The following ADGRL3 variants were observed in gnomAD, a reference collection of about 807,000 sequenced individuals.
ADGRL3 encodes the protein adhesion G protein-coupled receptor L3, also known as calcium-independent alpha-latrotoxin receptor 3.
A neutral mutation model predicts 153.5 loss-of-function variants in ADGRL3; 62 were observed. The ratio of observed to expected loss-of-function variants is 0.40; its 90% CI spans 0.33 to 0.50. The LOEUF (loss-of-function observed/expected upper bound fraction) is 0.50. ADGRL3 is among the 20% of genes least tolerant of loss of function. The pLI, the probability that ADGRL3 is intolerant of heterozygous loss-of-function variation, is 0.47. For missense variants in ADGRL3, 1,641 were observed against 1,859.4 expected (o/e 0.88, Z 2.16); for synonymous variants, 710 against 672.5 (o/e 1.06, Z -0.86).
intron 2 of ADGRL3, among the ~76,000 whole-genome samples, chr4:61,405,335 C>T (rs187909939): frequency 7.9e-5 from 12 of 152,050 alleles, no homozygotes; most frequent in African/African-American, 2.6e-4. Context: ...TGTTACTATA[C>T]GTAAAGGACA....
intron 1 of ADGRL3, among the ~76,000 whole-genome samples, chr4:61,301,880 A>G (rs1301861899): frequency 6.6e-6 from 1 of 152,220 alleles, no homozygotes; most frequent in Non-Finnish European, 1.5e-5. Context: ...TGCTATTACC[A>G]GAGCTTAAAA....
At chr4:61,787,607 G>A (rs1839613) in intron 8 of ADGRL3, among the ~76,000 whole-genome samples, 150,864 of 152,252 alleles carry the variant, frequency 0.99, 74,761 homozygotes, top group Non-Finnish European at 1. Flanking sequence ...ATGTTTTTCC[G>A]CTAGTTTATC....
At chr4:61,675,846 A>G (rs1252785454) in intron 5 of ADGRL3, among the ~76,000 whole-genome samples, 2 of 151,766 alleles carry the variant, frequency 1.3e-5, no homozygotes, top group Non-Finnish European at 2.9e-5. Context: ...TGTACAATTA[A>G]ATTACGTTTG....
At chr4:61,419,734 ATTG>A (rs1235556355) in intron 2 of ADGRL3, among the ~76,000 whole-genome samples, 2 of 152,140 alleles carry the variant, frequency 1.3e-5, no homozygotes, top group East Asian at 1.9e-4. Context: ...AAAAATTTTG[ATTG>A]TTATTTTCAC....
At chr4:61,860,475 A>G (rs1222790354) in intron 9 of ADGRL3, among the ~76,000 whole-genome samples, 1 of 152,052 alleles carries the variant, frequency 6.6e-6, no homozygotes, top group Non-Finnish European at 1.5e-5. Flanking sequence ...GAGATCGGGT[A>G]ATAGCCACTG....
intron 1 of ADGRL3, among the ~76,000 whole-genome samples, chr4:61,272,996 C>A (rs903887166): frequency 2.6e-5 from 4 of 152,050 alleles, no homozygotes; most frequent in African/African-American, 9.7e-5. Context: ...GGGTAAGTTA[C>A]CTACACTCTC....
intron 9 of ADGRL3, among the ~76,000 whole-genome samples, chr4:61,875,110 A>C (rs2098467871): frequency 6.6e-6 from 1 of 152,100 alleles, no homozygotes; most frequent in South Asian, 2.1e-4. Context: ...GCCCGGCCCA[A>C]AATGCTCTTT....
chr4:61,679,622 A>T (rs756694217), intron 6 of ADGRL3, among the ~76,000 whole-genome samples: 4 of 152,114 alleles, frequency 2.6e-5, no homozygotes, highest in Non-Finnish European at 4.4e-5. Flanking sequence ...TAGTGTTTAC[A>T]TGCATAGGCT....
intron 24 of ADGRL3, 51 bp downstream of exon 24, chr4:62,037,907 A>G: frequency 6.2e-7 from 1 of 1,604,384 alleles, no homozygotes; most frequent in Non-Finnish European, 8.5e-7. Flanking sequence ...TATACCAGTT[A>G]CTGTCCCTTA....
At chr4:61,224,223 A>G (rs1351690003) in intron 1 of ADGRL3, among the ~76,000 whole-genome samples, 2 of 152,148 alleles carry the variant, frequency 1.3e-5, no homozygotes, top group Non-Finnish European at 2.9e-5. Flanking sequence ...AAATATGTTT[A>G]TTTATCCATA....
chr4:61,642,694 TGTA>T (rs1458163721), intron 5 of ADGRL3, among the ~76,000 whole-genome samples: 2 of 152,192 alleles, frequency 1.3e-5, no homozygotes, highest in African/African-American at 4.8e-5. Flanking sequence ...ACTGTAGCCT[TGTA>T]GTATAGTTTG....
At chr4:61,580,871 A>G (rs1417444913) in intron 4 of ADGRL3, among the ~76,000 whole-genome samples, 16 of 152,058 alleles carry the variant, frequency 1.1e-4, no homozygotes, top group Admixed American at 1.1e-3. Context: ...CTACTCTCTG[A>G]AATCACATAC....
chr4:61,965,605 G>A (rs2099003564), intron 17 of ADGRL3, among the ~76,000 whole-genome samples: 4 of 151,846 alleles, frequency 2.6e-5, no homozygotes, highest in Admixed American at 2.6e-4. Context: ...AAAAAAATTA[G>A]CCAGGCTTGG....
intron 1 of ADGRL3, among the ~76,000 whole-genome samples, chr4:61,303,604 A>G (rs1389993381): frequency 6.6e-6 from 1 of 152,112 alleles, no homozygotes; most frequent in Non-Finnish European, 1.5e-5. Context: ...GAAATCTTAC[A>G]CTTTTGTAAT....
rs1746842850 is a variant in ADGRL3 at position 62,075,447 on chromosome 4, A to G, written c.*4539A>G. ...TGTAAAAAACAAAAACCCAAAGTCC[A>G]ACTATTTAGTTTTGAGCAAATCTGA... On this transcript the variant is annotated 3_prime_UTR_variant, in exon 27 of 27. Transcript: ENST00000683033. The G allele has an allele frequency of 6.6e-6, 1 of 152,164 alleles. No individual in the cohort carries two copies. Among genetic ancestry groups the G allele is most frequent in the Non-Finnish European group, 1.5e-5 (1 of 68,028 alleles). The allele number at this position is 152,164 out of a possible 1,614,324, so 9.4% of individuals were successfully genotyped here. A position where few individuals can be genotyped will look rare whatever the true frequency, so the allele number is the denominator to read the frequency against.
At chr4:61,872,648 C>A (rs1445643919) in intron 9 of ADGRL3, among the ~76,000 whole-genome samples, 2 of 143,470 alleles carry the variant, frequency 1.4e-5, no homozygotes, top group Non-Finnish European at 1.5e-5. Flanking sequence ...TCAATGTTAA[C>A]CTTGTTTAAA....
intron 2 of ADGRL3, chr4:61,426,711 T>A (rs561096043): frequency 1.3e-5 from 2 of 152,300 alleles, no homozygotes; most frequent in Non-Finnish European, 2.9e-5. Context: ...AAAGGCTCTT[T>A]ACCTCCACCC....
At chr4:61,401,087 T>G (rs1202243277) in intron 2 of ADGRL3, among the ~76,000 whole-genome samples, 2 of 151,582 alleles carry the variant, frequency 1.3e-5, no homozygotes, top group Non-Finnish European at 2.9e-5. Context: ...AAAAAAAAGA[T>G]TTTTTGAAAA....
At chr4:61,517,670 GC>G in intron 4 of ADGRL3, among the ~76,000 whole-genome samples, 152 bp downstream of exon 4, 1 of 151,852 alleles carries the variant, frequency 6.6e-6, no homozygotes. Flanking sequence ...TGATATCCTG[GC>G]CATTTTTTTT....
Sources: allele counts gnomAD v4.1 joint callset (sites outside exome capture counted in the v4.1 genomes callset), GRCh38; gene constraint gnomAD v4.1.1; transcripts MANE v1.5; gene names NCBI Gene and HGNC (gene_info 2026-07-23, HGNC 2026-07-21).